ATP2B1: variants seen among roughly 807,000 people sequenced by gnomAD.
ATP2B1 encodes the protein ATPase plasma membrane Ca2+ transporting 1.
ATP2B1 carries 14 observed loss-of-function variants against 124.2 expected under a neutral mutation model. The observed-to-expected ratio is 0.11, with a 90% confidence interval of 0.07 to 0.18. The LOEUF is 0.18. ATP2B1 is among the 10% of genes least tolerant of loss of function. The pLI is 1.00. For missense variants in ATP2B1, 763 were observed against 1,466.1 expected, an observed-to-expected ratio of 0.52 and a Z score of 7.83; for synonymous variants, 449 against 492.4, an observed-to-expected ratio of 0.91 and a Z score of 1.17.
Position 89,591,367 on chromosome 12 carries a change from T to C in ATP2B1, c.3352-72A>G, listed in dbSNP as rs1006578308. On this transcript the variant is annotated intron_variant, in intron 20 of 20. Transcript: ENST00000428670. ...ACTTAAAAATGGTTCATTTATGAGT[T>C]TGAATCCACAAACAGCTAGGTATGA... 19 of 1,354,346 alleles carry C rather than the reference T, an allele frequency of 1.4e-5. No homozygotes were observed. The East Asian group carries it at 1.9e-4, about 14-fold the overall frequency. 83.9% of individuals were successfully genotyped at this position (1,354,346 alleles called of 1,614,324 possible).
intron 11 of ATP2B1, among the ~76,000 whole-genome samples, chr12:89,618,173 G>C (rs1203698469): frequency 6.6e-6 from 1 of 151,626 alleles, no homozygotes; most frequent in Non-Finnish European, 1.5e-5. Context: ...ACTACTTGAA[G>C]AAAAAAATAC....
intron 20 of ATP2B1, chr12:89,598,699 C>T: frequency 6.2e-7 from 1 of 1,613,988 alleles, no homozygotes. Context: ...GCCTTAGAGC[C>T]CCCTGAATGG....
chr12:89,639,366 T>A (rs1474412799), intron 3 of ATP2B1, among the ~76,000 whole-genome samples: 5 of 151,940 alleles, frequency 3.3e-5, no homozygotes, highest in African/African-American at 7.3e-5. Context: ...TAGCCAGGCA[T>A]GGTGGCACAT....
chr12:89,705,716 C>G (rs928298229), intron 1 of ATP2B1, among the ~76,000 whole-genome samples: 1 of 152,100 alleles, frequency 6.6e-6, no homozygotes, highest in African/African-American at 2.4e-5. Context: ...TCTAATAGCT[C>G]AAATAATGTC....
chr12:89,630,888 C>A, intron 5 of ATP2B1: 1 of 173,538 alleles, frequency 5.8e-6, no homozygotes, highest in Non-Finnish European at 1.2e-5. Context: ...TGAAGTAACC[C>A]TCCCGAGTAG....
Position 89,603,659 on chromosome 12 carries a change from T to TATAAC in ATP2B1, c.2848+52_2848+53insGTTAT. The TATAAC allele has an allele frequency of 1.3e-6, 2 of 1,550,610 alleles. No individual in the cohort carries two copies. Among genetic ancestry groups the TATAAC allele is most frequent in the Non-Finnish European group, 1.8e-6 (2 of 1,125,062 alleles). On this transcript the variant is annotated intron_variant, in intron 17 of 20. Transcript: ENST00000428670. This position sits in a 1 kb window ranked among gnomAD's most constrained non-coding sequence, Gnocchi z 4.3. The stretch of plus-strand genomic sequence containing the variant: ...GTAACATTATAACATCTTGGATGAT[T>TATAAC]AGCTTGGAAAAGAAACAATTAACTG...
At chr12:89,646,394 T>C (rs1194551058) in intron 2 of ATP2B1, among the ~76,000 whole-genome samples, 1 of 152,054 alleles carries the variant, frequency 6.6e-6, no homozygotes, top group African/African-American at 2.4e-5. Flanking sequence ...AGGCTGAGGC[T>C]ACAGCGTTGG....
At chr12:89,608,025 G>A (rs560263573) in intron 15 of ATP2B1, among the ~76,000 whole-genome samples, 6 of 151,782 alleles carry the variant, frequency 4.0e-5, no homozygotes, top group Non-Finnish European at 5.9e-5. Flanking sequence ...GCGATTTCTT[G>A]TAACTAAAAA....
intron 15 of ATP2B1, among the ~76,000 whole-genome samples, chr12:89,606,366 T>C (rs1428135562): frequency 1.3e-5 from 2 of 152,152 alleles, no homozygotes; most frequent in Non-Finnish European, 2.9e-5. Flanking sequence ...ACAGTTTCCT[T>C]TGGGAGCCAA....
chr12:89,589,398 T>C lies in ATP2B1; in HGVS notation c.*1586A>G, dbSNP rs1033908005. 1.3e-5 allele frequency: 2 copies of C among 152,268 alleles called. No homozygotes were observed. The highest frequency in any genetic ancestry group is 2.9e-5 in the Non-Finnish European group (2 of 68,000). 9.4% of individuals were successfully genotyped at this position (152,268 alleles called of 1,614,324 possible). A position where few individuals can be genotyped will look rare whatever the true frequency, so the allele number is the denominator to read the frequency against. ...AGAAAAAGAGAGCTAAAGAATCCAA[T>C]TGGCTTAGAGGTGGGCATTCTAGCA... On this transcript the variant is annotated 3_prime_UTR_variant, in exon 21 of 21. Coordinates refer to ENST00000428670, the MANE Select transcript of ATP2B1 (RefSeq NM_001366521.1).
intron 6 of ATP2B1, 26 bp downstream of exon 6, chr12:89,630,479 C>T (rs1881670202): frequency 6.7e-7 from 1 of 1,496,622 alleles, no homozygotes; most frequent in South Asian, 1.4e-5. Context: ...TTCCAAATAC[C>T]AATTATAGAA....
At chr12:89,614,765 A>T (rs1320912592) in intron 12 of ATP2B1, among the ~76,000 whole-genome samples, 1 of 152,206 alleles carries the variant, frequency 6.6e-6, no homozygotes, top group Non-Finnish European at 1.5e-5. Context: ...AACAATGTCA[A>T]AAACAGCGTA....
intron 20 of ATP2B1, among the ~76,000 whole-genome samples, chr12:89,592,596 T>C (rs1250302957): frequency 6.6e-6 from 1 of 152,018 alleles, no homozygotes; most frequent in African/African-American, 2.4e-5. Flanking sequence ...GAGTACAGCA[T>C]AGTCAACTGA....
chr12:89,675,216 T>C (rs1244821015), intron 1 of ATP2B1, among the ~76,000 whole-genome samples: 1 of 152,106 alleles, frequency 6.6e-6, no homozygotes, highest in Non-Finnish European at 1.5e-5. Context: ...AGGGAAAAGA[T>C]CCCGTCTAGC....
chr12:89,652,536 T>C (rs1302371292), intron 2 of ATP2B1, among the ~76,000 whole-genome samples: 1 of 152,216 alleles, frequency 6.6e-6, no homozygotes, highest in Non-Finnish European at 1.5e-5. Flanking sequence ...ATAAACAGGG[T>C]ATTCTAACGA....
At chr12:89,623,089 T>C (rs1413830403) in intron 9 of ATP2B1, among the ~76,000 whole-genome samples, 1 of 152,046 alleles carries the variant, frequency 6.6e-6, no homozygotes, top group Non-Finnish European at 1.5e-5. Flanking sequence ...ATTTTTGAAA[T>C]GAAAGTTGTT....
Position 89,616,959 on chromosome 12 carries a change from A to G in ATP2B1, c.1910T>C (p.Ile637Thr). The G allele has an allele frequency of 6.2e-7, 1 of 1,614,128 alleles. No homozygotes were observed. The highest frequency in any genetic ancestry group is 8.5e-7 in the Non-Finnish European group (1 of 1,179,994). ...CAAGCCTTCTGATGCCATCGGTTCA[A>G]TCACAGTTTTTACAATATCATCACG... is the stretch of plus-strand genomic sequence containing the variant. ...RDRDDIVKTVIEPMASEGLRT... is the reference protein window; with the variant it reads ...RDRDDIVKTVTEPMASEGLRT... The change falls in exon 12 of 21, where the codon ATT (isoleucine) becomes ACT (threonine). Residue 637 changes from isoleucine (I) to threonine (T), a missense_variant. Transcript: ENST00000428670.
At chr12:89,660,800 T>C (rs1340842221) in intron 1 of ATP2B1, among the ~76,000 whole-genome samples, 1 of 152,186 alleles carries the variant, frequency 6.6e-6, no homozygotes, top group Non-Finnish European at 1.5e-5. Context: ...AGAATAGCCT[T>C]CTCCCACCCC....
intron 18 of ATP2B1, among the ~76,000 whole-genome samples, chr12:89,601,877 A>C (rs2135934503): frequency 6.6e-6 from 1 of 152,282 alleles, no homozygotes; most frequent in African/African-American, 2.4e-5. Context: ...TTACTGGAAA[A>C]ATGCACAATA....
Sources: allele counts gnomAD v4.1 joint callset (sites outside exome capture counted in the v4.1 genomes callset), GRCh38; gene constraint gnomAD v4.1.1; non-coding constraint Gnocchi (gnomAD v3.1); transcripts MANE v1.5; gene names NCBI Gene and HGNC (gene_info 2026-07-23, HGNC 2026-07-21).